Variants in WSCD1 observed in about 807,000 individuals in gnomAD.
The protein encoded by WSCD1 is WSC domain sialate O sulfotransferase 1, also known as sialate:O-sulfotransferase 1.
In WSCD1, 41 loss-of-function variants were observed where a neutral mutation model predicts 60.4. That is an observed-to-expected ratio of 0.68 (90% confidence interval 0.53 to 0.88). The LOEUF (loss-of-function observed/expected upper bound fraction) is 0.88. Ranked by LOEUF, WSCD1 falls within the 40% of genes least tolerant of loss-of-function variation. The probability of loss-of-function intolerance (pLI) is 0.00; values close to 1 mark genes in which losing one functional copy is unlikely to be tolerated. For synonymous variants in WSCD1, 361 were observed against 332.5 expected (o/e 1.09, Z -0.93); for missense variants, 784 against 796.2 (o/e 0.98, Z 0.18).
chr17:6,085,050 CT>C (rs1452169566), intron 2 of WSCD1: 1 of 152,190 alleles, frequency 6.6e-6, no homozygotes, highest in Non-Finnish European at 1.5e-5. Flanking sequence ...CAGAGCCTGA[CT>C]GCTTGAAACA....
chr17:6,118,581 T>C lies in WSCD1; in HGVS notation c.1375+393T>C, dbSNP rs1415600927. On this transcript the variant is annotated intron_variant, in intron 8 of 8. Transcript: ENST00000317744. This position sits in a 1 kb window ranked among gnomAD's most constrained non-coding sequence, Gnocchi z 5.8. ...TGGACCTGCTTTGCACCTTCCTCTGTGTTCAGCACCAGGTTCCTCTTTTAT... is the reference window on the plus strand; with the variant it reads ...TGGACCTGCTTTGCACCTTCCTCTGCGTTCAGCACCAGGTTCCTCTTTTAT... Among the ~76,000 whole-genome samples the C allele has an allele frequency of 6.6e-6, 1 of 152,206 alleles. No individual in the cohort carries two copies. Among genetic ancestry groups the C allele is most frequent in the Non-Finnish European group, 1.5e-5 (1 of 68,038 alleles).
chr17:6,100,483 G>T (rs1460467577), intron 5 of WSCD1, among the ~76,000 whole-genome samples: 1 of 152,208 alleles, frequency 6.6e-6, no homozygotes, highest in Non-Finnish European at 1.5e-5. Context: ...ATCCATTCTC[G>T]CTTGTCTCGC....
intron 7 of WSCD1, among the ~76,000 whole-genome samples, 185 bp from the exon 8 acceptor site, chr17:6,117,803 T>G (rs1217675584): frequency 6.6e-6 from 1 of 152,176 alleles, no homozygotes; most frequent in Non-Finnish European, 1.5e-5. Context: ...CACTTTCCCT[T>G]GGACAGGGTC....
intron 5 of WSCD1, among the ~76,000 whole-genome samples, chr17:6,100,042 G>A (rs965125213): frequency 4.6e-5 from 7 of 152,154 alleles, no homozygotes; most frequent in Non-Finnish European, 4.4e-5. Flanking sequence ...GGAGGGGCTG[G>A]TATGGCTTGT....
intron 7 of WSCD1, among the ~76,000 whole-genome samples, chr17:6,113,028 A>T (rs1911493076): frequency 6.6e-6 from 1 of 152,212 alleles, no homozygotes; most frequent in Non-Finnish European, 1.5e-5. Flanking sequence ...GAGGTATCAC[A>T]CTACTGACTT....
intron 8 of WSCD1, among the ~76,000 whole-genome samples, chr17:6,119,664 C>T (rs73331818): frequency 8.4e-4 from 128 of 152,194 alleles, no homozygotes; most frequent in African/African-American, 2.7e-3. Context: ...TCTTATGAGC[C>T]GTATAACTCC....
upstream of WSCD1, chr17:6,069,422 TGTGTGTGA>T (rs879812998): frequency 0.012 from 3,951 of 317,574 alleles, 13 homozygotes; most frequent in Non-Finnish European, 0.017. Flanking sequence ...TGTGTGTGTG[TGTGTGTGA>T]GAGAGAGAGA....
chr17:6,118,237 G>A lies in WSCD1; in HGVS notation c.1375+49G>A. Reference sequence around the variant, plus strand: ...GGTGGGAGGCTTGTCAGTACAGGTAGGTTGCTCATCAGGATGCAGGATCAA... The same window carrying A: ...GGTGGGAGGCTTGTCAGTACAGGTAAGTTGCTCATCAGGATGCAGGATCAA... On this transcript the variant is annotated intron_variant, in intron 8 of 8. Transcript: ENST00000317744. This position sits in a 1 kb window ranked among gnomAD's most constrained non-coding sequence, Gnocchi z 5.8. 1 of 1,591,022 alleles carries A rather than the reference G, an allele frequency of 6.3e-7. No homozygotes were observed. Among genetic ancestry groups the A allele is most frequent in the Non-Finnish European group, 8.6e-7 (1 of 1,166,626 alleles).
In WSCD1 at chr17:6,090,511, T is replaced by A. The variant is rs1159073888; in HGVS notation, c.727+6T>A. 6.2e-7 allele frequency: 1 copy of A among 1,611,658 alleles called. No homozygotes were observed. On this transcript the variant is annotated splice_donor_region_variant and intron_variant, in intron 4 of 8. Coordinates refer to ENST00000317744, the MANE Select transcript of WSCD1 (RefSeq NM_015253.2). The stretch of plus-strand genomic sequence containing the variant: ...GCAGCCGGGCTCCAGGAAGCGTGAG[T>A]GTGCCAGCCTCTTCCTGAGCTTTGT...
Position 6,118,744 on chromosome 17 carries a change from T to G in WSCD1, c.1375+556T>G, listed in dbSNP as rs1401854296. On this transcript the variant is annotated intron_variant, in intron 8 of 8. Coordinates refer to ENST00000317744, the MANE Select transcript of WSCD1 (RefSeq NM_015253.2). This position sits in a 1 kb window ranked among gnomAD's most constrained non-coding sequence, Gnocchi z 5.8. ...CTCTTCACAGTGTCTGGTGGGGAAA[T>G]CACATCAGCCCTACATTCCAGATGA... is the stretch of plus-strand genomic sequence containing the variant. Among the ~76,000 whole-genome samples the G allele has an allele frequency of 6.6e-6, 1 of 152,110 alleles. No homozygotes were observed. Among genetic ancestry groups the G allele is most frequent in the African/African-American group, 2.4e-5 (1 of 41,412 alleles).
chr17:6,110,957 C>G lies in WSCD1; in HGVS notation c.1174+22C>G. ...AAAGGTAAGTCAAAGCTACAGGGGACGATGGAAGGCAGCTCCCGGTGACCA... is the reference window on the plus strand; with the variant it reads ...AAAGGTAAGTCAAAGCTACAGGGGAGGATGGAAGGCAGCTCCCGGTGACCA... On this transcript the variant is annotated intron_variant, in intron 7 of 8. Transcript: ENST00000317744. The surrounding 1 kb of genome is among the most constrained non-coding windows in gnomAD (Gnocchi z 4.8). 1 of 1,570,268 alleles carries G rather than the reference C, an allele frequency of 6.4e-7. No individual in the cohort carries two copies. The highest frequency in any genetic ancestry group is 8.7e-7 in the Non-Finnish European group (1 of 1,151,976).
chr17:6,121,062 C>T lies in WSCD1; in HGVS notation c.*401C>T, dbSNP rs868162180. 7.3e-5 allele frequency: 15 copies of T among 205,946 alleles called. No homozygotes were observed. The highest frequency in any genetic ancestry group is 4.1e-4 in the South Asian group (4 of 9,720). 12.8% of individuals were successfully genotyped at this position (205,946 alleles called of 1,614,324 possible). On this transcript the variant is annotated 3_prime_UTR_variant, in exon 9 of 9. Transcript: ENST00000317744. ...TGTCTCTCTCACACAGATACACGTGCGCTCCCTGGGATCCGGGAGGCCCTG... is the reference window on the plus strand; with the variant it reads ...TGTCTCTCTCACACAGATACACGTGTGCTCCCTGGGATCCGGGAGGCCCTG...
At chr17:6,119,105 A>G (rs1904481742) in intron 8 of WSCD1, among the ~76,000 whole-genome samples, 1 of 152,184 alleles carries the variant, frequency 6.6e-6, no homozygotes, top group Non-Finnish European at 1.5e-5. Context: ...CCCCACCCTC[A>G]TGACCATATC....
At chr17:6,117,966 A>T in intron 7 of WSCD1, 22 bp from the exon 8 acceptor site, 1 of 1,611,800 alleles carries the variant, frequency 6.2e-7, no homozygotes, top group Non-Finnish European at 8.5e-7. Context: ...TTCCACAGAG[A>T]CCCTCTCATT....
At chr17:6,093,413 G>T (rs1301479742) in intron 4 of WSCD1, among the ~76,000 whole-genome samples, 1 of 152,232 alleles carries the variant, frequency 6.6e-6, no homozygotes, top group African/African-American at 2.4e-5. Context: ...CCCAGGAGCT[G>T]TGTTCTGGAG....
intron 5 of WSCD1, among the ~76,000 whole-genome samples, chr17:6,107,452 G>T (rs1223884448): frequency 6.6e-6 from 1 of 152,000 alleles, no homozygotes; most frequent in Non-Finnish European, 1.5e-5. Context: ...AGTGAGCCAA[G>T]ATCCTGCCAC....
intron 1 of WSCD1, among the ~76,000 whole-genome samples, chr17:6,077,012 C>G (rs570225953): frequency 6.6e-6 from 1 of 151,472 alleles, no homozygotes; most frequent in South Asian, 2.1e-4. Context: ...TGAGGAGAGA[C>G]AGTGTGATGT....
chr17:6,090,264 G>C, intron 3 of WSCD1, 57 bp from the exon 4 acceptor site: 2 of 1,480,092 alleles, frequency 1.4e-6, no homozygotes, highest in Non-Finnish European at 1.8e-6. Context: ...CTGCAGTTTA[G>C]ACCGCAGCCC....
chr17:6,083,449 G>A (rs867677410), intron 2 of WSCD1, among the ~76,000 whole-genome samples: 2 of 152,190 alleles, frequency 1.3e-5, no homozygotes, highest in African/African-American at 2.4e-5. Flanking sequence ...AGGCACGTGC[G>A]AAGTGGGCTG....
Sources: allele counts gnomAD v4.1 joint callset (sites outside exome capture counted in the v4.1 genomes callset), GRCh38; gene constraint gnomAD v4.1.1; non-coding constraint Gnocchi (gnomAD v3.1); transcripts MANE v1.5; gene names NCBI Gene and HGNC (gene_info 2026-07-23, HGNC 2026-07-21).